The following STRADA variants were observed in gnomAD, a reference collection of about 807,000 sequenced individuals.
The protein encoded by STRADA is STE20 related adaptor alpha.
STRADA carries 26 observed loss-of-function variants against 55.0 expected under a neutral mutation model. The observed-to-expected ratio is 0.47, with a 90% confidence interval of 0.35 to 0.66. STRADA has a LOEUF of 0.66. Ranked by LOEUF, STRADA falls within the 30% of genes least tolerant of loss-of-function variation. STRADA has a pLI of 0.01. For synonymous variants in STRADA, 197 were observed against 210.9 expected, an observed-to-expected ratio of 0.93 and a Z score of 0.57; for missense variants, 443 against 549.7, an observed-to-expected ratio of 0.81 and a Z score of 1.94.
In STRADA at chr17:63,714,091, T is replaced by C; in HGVS notation, c.141A>G (p.Ser47=). The stretch of plus-strand genomic sequence containing the variant: ...GTTTAGAGAAGGATGCTATTGACTC[T>C]GAGCTCGCATCATTGGTCTAAAAAA... The part of the protein sequence containing the change: ...DTRRKTNDAS[S]ESIASFSKQE... The change falls in exon 5 of 13, where the codon TCA becomes TCG. Residue 47 remains serine (S), a synonymous_variant. Coordinates refer to ENST00000336174, the MANE Select transcript of STRADA (RefSeq NM_001003787.4). 2 of 1,613,670 alleles carry C rather than the reference T, an allele frequency of 1.2e-6. No homozygotes were observed. The highest frequency in any genetic ancestry group is 2.2e-5 in the East Asian group (1 of 44,842).
At chr17:63,740,086 C>CCA (rs2038779034) in intron 1 of STRADA, among the ~76,000 whole-genome samples, 4 of 41,524 alleles carry the variant, frequency 9.6e-5, no homozygotes, top group East Asian at 5.4e-4. Context: ...ACATTTAACA[C>CCA]TATATATATA....
In STRADA at chr17:63,726,678, C is replaced by A. The variant is rs770208738; in HGVS notation, c.54G>T (p.Lys18Asn). ...PERIRRWVSEKFIVEGLRDLE... is the reference protein window; with the variant it reads ...PERIRRWVSENFIVEGLRDLE... ...AATCTCTTAAGCCCTCAACAATGAA[C>A]TTTTCCGAGACCCACCGCTAAAGAG... Residue 18 changes from lysine to asparagine, a missense_variant, in exon 3 of 13, where the codon AAG (lysine) becomes AAT (asparagine). Lys to Asn is a moderately conservative substitution (Grantham distance 94). Transcript: ENST00000336174. The A allele has an allele frequency of 1.9e-6, 3 of 1,613,938 alleles. No individual in the cohort carries two copies. The South Asian group carries it at 3.3e-5, about 18-fold the overall frequency.
intron 6 of STRADA, among the ~76,000 whole-genome samples, chr17:63,711,893 C>T (rs1478732126): frequency 6.6e-6 from 1 of 152,056 alleles, no homozygotes; most frequent in Admixed American, 6.5e-5. Context: ...TGTGATTGCA[C>T]CACCGCACTC....
chr17:63,726,771 C>A, intron 2 of STRADA, 76 bp from the exon 3 acceptor site: 1 of 1,436,638 alleles, frequency 7.0e-7, no homozygotes, highest in Non-Finnish European at 9.8e-7. Flanking sequence ...TTTAGACAGA[C>A]AAACAAAATC....
intron 5 of STRADA, among the ~76,000 whole-genome samples, 179 bp downstream of exon 5, chr17:63,713,827 T>G (rs1232605636): frequency 6.6e-6 from 1 of 152,120 alleles, no homozygotes; most frequent in East Asian, 1.9e-4. Flanking sequence ...TCCTGGAAGT[T>G]TGATCTCTTC....
chr17:63,706,758 G>A lies in STRADA; in HGVS notation c.754-19C>T, dbSNP rs2036120858. The A allele has an allele frequency of 6.3e-7, 1 of 1,587,288 alleles. No individual in the cohort carries two copies. On this transcript the variant is annotated intron_variant, in intron 9 of 12. Transcript: ENST00000336174. ...GGAGATTCTAAGCCAGAAAAAAAAGGCCACAGATTACCCCATTTGGTCTTT... is the reference window on the plus strand; with the variant it reads ...GGAGATTCTAAGCCAGAAAAAAAAGACCACAGATTACCCCATTTGGTCTTT...
intron 8 of STRADA, 83 bp downstream of exon 8, chr17:63,710,408 C>T (rs2036416774): frequency 6.3e-7 from 1 of 1,578,954 alleles, no homozygotes; most frequent in Non-Finnish European, 8.6e-7. Context: ...GCTTCATTAA[C>T]TTCAGTCAAA....
intron 8 of STRADA, among the ~76,000 whole-genome samples, chr17:63,709,255 C>T (rs1179557578): frequency 6.6e-6 from 1 of 152,236 alleles, no homozygotes; most frequent in Admixed American, 6.5e-5. Context: ...GCTCCCCGTC[C>T]TTGCCACACT....
chr17:63,710,503 C>T lies in STRADA; in HGVS notation c.569G>A (p.Gly190Glu). 6.2e-7 allele frequency: 1 copy of T among 1,613,750 alleles called. No homozygotes were observed. Among genetic ancestry groups the T allele is most frequent in the Non-Finnish European group, 8.5e-7 (1 of 1,179,868 alleles). The change falls in exon 8 of 13, where the codon GGA becomes GAA. Residue 190 changes from glycine (G) to glutamate (E), a missense_variant. Gly to Glu is a moderately conservative substitution (Grantham distance 98). Transcript: ENST00000336174. Reference sequence around the variant, plus strand: ...CCTAAGAACGCACCTGTGTACATATCCCATGTGGTGGATGTAGTCGAGGGC... The same window carrying T: ...CCTAAGAACGCACCTGTGTACATATTCCATGTGGTGGATGTAGTCGAGGGC... The part of the protein sequence containing the change: ...LKALDYIHHM[G>E]YVHRSVKASH...
chr17:63,707,070 G>A (rs1011153058), intron 9 of STRADA, among the ~76,000 whole-genome samples, 177 bp downstream of exon 9: 3 of 152,170 alleles, frequency 2.0e-5, no homozygotes, highest in Non-Finnish European at 2.9e-5. Flanking sequence ...AGGACCCCCT[G>A]GGAGGAACCA....
At chr17:63,709,549 G>T (rs1372945503) in intron 8 of STRADA, among the ~76,000 whole-genome samples, 1 of 152,058 alleles carries the variant, frequency 6.6e-6, no homozygotes, top group Non-Finnish European at 1.5e-5. Context: ...ATGGTATCTT[G>T]TATTGGATAG....
At chr17:63,708,883 C>A (rs913338721) in intron 8 of STRADA, among the ~76,000 whole-genome samples, 4 of 152,206 alleles carry the variant, frequency 2.6e-5, no homozygotes, top group African/African-American at 9.7e-5. Context: ...TACTTCTTAT[C>A]TGTAGGACTC....
chr17:63,736,496 C>T (rs1317829110), intron 1 of STRADA, among the ~76,000 whole-genome samples: 2 of 151,756 alleles, frequency 1.3e-5, no homozygotes, highest in East Asian at 2.0e-4. Flanking sequence ...GGCATGTTGG[C>T]AGGTGCCTGT....
chr17:63,736,738 G>A (rs2038452921), intron 1 of STRADA, among the ~76,000 whole-genome samples: 1 of 151,666 alleles, frequency 6.6e-6, no homozygotes, highest in African/African-American at 2.4e-5. Context: ...CATGAAGTTG[G>A]CAGGTTGAAG....
At chr17:63,725,314 C>G (rs1190082785) in intron 3 of STRADA, among the ~76,000 whole-genome samples, 1 of 152,180 alleles carries the variant, frequency 6.6e-6, no homozygotes, top group Non-Finnish European at 1.5e-5. Flanking sequence ...TGTACTCAAT[C>G]TGATAATCTG....
rs2038733948 is a variant in STRADA, at chr17:63,739,764, G to GTATATATGTACATTAT, written c.-45+1976_-45+1977insATAATGTACATATATA. 3.6e-5 allele frequency among the ~76,000 whole-genome samples: 4 copies of GTATATATGTACATTAT among 112,388 alleles called. 1 individual carries two copies. In the South Asian group the frequency reaches 1.4e-3, roughly 39 times the overall value. 73.7% of individuals were successfully genotyped at this position (112,388 alleles called of 152,430 possible). A position where few individuals can be genotyped will look rare whatever the true frequency, so the allele number is the denominator to read the frequency against. ...ACATATTGATACATTATATATTTATGTATATATGTACATATATACATATAA... is the reference window on the plus strand; with the variant it reads ...ACATATTGATACATTATATATTTATGTATATATGTACATTATTATATATGTACATATATACATATAA... On this transcript the variant is annotated intron_variant, in intron 1 of 12. Coordinates refer to ENST00000336174, the MANE Select transcript of STRADA (RefSeq NM_001003787.4).
rs771962134 is a variant in STRADA at position 63,740,086 on chromosome 17, CTATATA to C, written c.-45+1649_-45+1654del. 3.9e-4 allele frequency among the ~76,000 whole-genome samples: 16 copies of C among 41,536 alleles called. 1 individual carries two copies. In the South Asian group the frequency reaches 4.2e-3, roughly 11 times the overall value. 27.2% of individuals were successfully genotyped at this position (41,536 alleles called of 152,430 possible). A position where few individuals can be genotyped will look rare whatever the true frequency, so the allele number is the denominator to read the frequency against. On this transcript the variant is annotated intron_variant, in intron 1 of 12. Transcript: ENST00000336174. ...CCCAGCCTATCAGAAACATTTAACA[CTATATA>C]TATATATATATATATACATACATAC...
intron 1 of STRADA, among the ~76,000 whole-genome samples, chr17:63,737,632 T>A (rs769268588): frequency 2.8e-4 from 42 of 152,302 alleles, no homozygotes; most frequent in Admixed American, 4.6e-4. Context: ...GTTGATAGGA[T>A]AACAAATAGA....
At chr17:63,738,861 T>TAATAAC (rs59727325) in intron 1 of STRADA, among the ~76,000 whole-genome samples, 1 of 146,806 alleles carries the variant, frequency 6.8e-6, no homozygotes, top group South Asian at 2.1e-4. Flanking sequence ...ATAATAATAA[T>TAATAAC]GGGGAACAGG....
Sources: allele counts gnomAD v4.1 joint callset (sites outside exome capture counted in the v4.1 genomes callset), GRCh38; gene constraint gnomAD v4.1.1; transcripts MANE v1.5; gene names NCBI Gene and HGNC (gene_info 2026-07-23, HGNC 2026-07-21).